The following PRDM16 variants were observed in gnomAD, a reference collection of about 807,000 sequenced individuals.
PRDM16 encodes the protein histone-lysine N-methyltransferase PRDM16.
In PRDM16, 23 loss-of-function variants were observed where a neutral mutation model predicts 110.6. The observed-to-expected ratio is 0.21, with a 90% confidence interval of 0.15 to 0.29. The LOEUF is 0.29. PRDM16 is among the 10% of genes least tolerant of loss of function. The probability of loss-of-function intolerance (pLI) is 1.00; values close to 1 mark genes in which losing one functional copy is unlikely to be tolerated. For missense variants in PRDM16, 1,615 were observed against 1,794.3 expected, an observed-to-expected ratio of 0.90 and a Z score of 1.81; for synonymous variants, 799 against 781.8, an observed-to-expected ratio of 1.02 and a Z score of -0.37.
chr1:3,285,930 A>C (rs188963484), intron 3 of PRDM16, among the ~76,000 whole-genome samples: 1 of 152,278 alleles, frequency 6.6e-6, no homozygotes, highest in African/African-American at 2.4e-5. Flanking sequence ...GAGAAAACCC[A>C]GAAAGCCCCT....
chr1:3,158,667 CTCTT>C (rs141678703), intron 1 of PRDM16, among the ~76,000 whole-genome samples: 2,074 of 151,662 alleles, frequency 0.014, 80 homozygotes, highest in East Asian at 0.11. Context: ...TCTTTTTTCT[CTCTT>C]TCTTTCTTTC....
intron 2 of PRDM16, among the ~76,000 whole-genome samples, chr1:3,221,990 T>C (rs1479085878): frequency 6.6e-6 from 1 of 152,202 alleles, no homozygotes; most frequent in Non-Finnish European, 1.5e-5. Context: ...TGAAGTAGTC[T>C]CGCGTCTTAT....
At position 3,370,657 on chromosome 1, in the gene PRDM16, G is replaced by A. The variant is rs1005602851; in HGVS notation, c.439-14495G>A. Among the ~76,000 whole-genome samples, 3 of 152,144 alleles carry A rather than the reference G, an allele frequency of 2.0e-5. No individual in the cohort carries two copies. The highest frequency in any genetic ancestry group is 7.2e-5 in the African/African-American group (3 of 41,422). Reference sequence around the variant, plus strand: ...CCTCACCCTGATGTGAGGGACCAGGGCAGGCTTCCCAGGAGAGGTGTCCTG... The same window carrying A: ...CCTCACCCTGATGTGAGGGACCAGGACAGGCTTCCCAGGAGAGGTGTCCTG... On this transcript the variant is annotated intron_variant, in intron 3 of 16. Coordinates refer to ENST00000270722, the MANE Select transcript of PRDM16 (RefSeq NM_022114.4). The surrounding 1 kb of genome is among the most constrained non-coding windows in gnomAD (Gnocchi z 4.8).
At chr1:3,314,990 G>A (rs983092229) in intron 3 of PRDM16, among the ~76,000 whole-genome samples, 3 of 152,130 alleles carry the variant, frequency 2.0e-5, no homozygotes, top group Non-Finnish European at 2.9e-5. Context: ...AAGATGGATC[G>A]ACTGAGAGCA....
At chr1:3,146,745 A>G (rs1569684613) in intron 1 of PRDM16, among the ~76,000 whole-genome samples, 1 of 83,222 alleles carries the variant, frequency 1.2e-5, no homozygotes, top group South Asian at 4.3e-4. Flanking sequence ...GTGTGAGTGC[A>G]CGTGTGTGCT....
At chr1:3,164,519 TC>T (rs1643928456) in intron 1 of PRDM16, among the ~76,000 whole-genome samples, 1 of 152,088 alleles carries the variant, frequency 6.6e-6, no homozygotes, top group African/African-American at 2.4e-5. Flanking sequence ...GCACCCGGCC[TC>T]CCTTGGCTAA....
intron 1 of PRDM16, among the ~76,000 whole-genome samples, chr1:3,164,840 C>T (rs1175938558): frequency 6.6e-6 from 1 of 152,192 alleles, no homozygotes; most frequent in Non-Finnish European, 1.5e-5. Flanking sequence ...CAGCCCGCCT[C>T]CGTTCTCTGC....
At chr1:3,361,525 C>T (rs1213176005) in intron 3 of PRDM16, among the ~76,000 whole-genome samples, 1 of 152,258 alleles carries the variant, frequency 6.6e-6, no homozygotes, top group Non-Finnish European at 1.5e-5. Context: ...CCTGCTGTTC[C>T]TGCATGCCAC....
intron 3 of PRDM16, among the ~76,000 whole-genome samples, chr1:3,313,587 G>T (rs1641518396): frequency 6.6e-6 from 1 of 152,232 alleles, no homozygotes; most frequent in Admixed American, 6.5e-5. Context: ...GCCTGCTCAA[G>T]AGTCCTTCCC....
At position 3,143,154 on chromosome 1, in the gene PRDM16, G is replaced by A. The variant is rs1343197599; in HGVS notation, c.38-42971G>A. 2.0e-5 allele frequency among the ~76,000 whole-genome samples: 3 copies of A among 152,316 alleles called. No homozygotes were observed. Among genetic ancestry groups the A allele is most frequent in the Admixed American group, 1.3e-4 (2 of 15,310 alleles). On this transcript the variant is annotated intron_variant, in intron 1 of 16. Coordinates refer to ENST00000270722, the MANE Select transcript of PRDM16 (RefSeq NM_022114.4). This position sits in a 1 kb window ranked among gnomAD's most constrained non-coding sequence, Gnocchi z 4.5. ...TAAGAAGGGAGACCTTGTGGCAACC[G>A]CAGTGCTGGGCCGGGGGGAGTCGCT...
rs193041827 is a variant in PRDM16, at chr1:3,291,335, G to T, written c.438+47198G>T. On this transcript the variant is annotated intron_variant, in intron 3 of 16. Transcript: ENST00000270722. The stretch of plus-strand genomic sequence containing the variant: ...CAGTGGCCCCACCTGGACCCCTGGG[G>T]GACCCACCCTTCTTCCCCTTCTGCC... Among the ~76,000 whole-genome samples the T allele has an allele frequency of 3.6e-3, 554 of 152,262 alleles. 3 individuals are homozygous for T. Among genetic ancestry groups the T allele is most frequent in the African/African-American group, 0.013 (525 of 41,560 alleles).
intron 1 of PRDM16, among the ~76,000 whole-genome samples, chr1:3,106,901 T>C (rs886493229): frequency 3.9e-5 from 6 of 152,140 alleles, no homozygotes; most frequent in African/African-American, 1.4e-4. Context: ...TGTGGCTCCA[T>C]GACAACAGCG....
chr1:3,110,408 G>A (rs558545176), intron 1 of PRDM16, among the ~76,000 whole-genome samples: 1 of 149,812 alleles, frequency 6.7e-6, no homozygotes, highest in Admixed American at 6.6e-5. Context: ...TGGGGACACA[G>A]TGTCTGAGGC....
At chr1:3,145,797 A>G (rs2817185) in intron 1 of PRDM16, among the ~76,000 whole-genome samples, 34,967 of 152,142 alleles carry the variant, frequency 0.23, 4,422 homozygotes, top group African/African-American at 0.29. Flanking sequence ...AACCTCATTA[A>G]GAAAGTGCAA....
intron 3 of PRDM16, among the ~76,000 whole-genome samples, chr1:3,374,405 T>C (rs1642957688): frequency 6.6e-6 from 1 of 152,180 alleles, no homozygotes. Flanking sequence ...TATACACAAC[T>C]TTTCAGAGGC....
intron 5 of PRDM16, among the ~76,000 whole-genome samples, chr1:3,398,503 C>A (rs1412548143): frequency 6.6e-6 from 1 of 152,236 alleles, no homozygotes; most frequent in Admixed American, 6.5e-5. Flanking sequence ...TTTATCCCAA[C>A]CCCAGCTCAA....
Position 3,350,407 on chromosome 1 carries a change from C to G in PRDM16, c.439-34745C>G, listed in dbSNP as rs549737863. ...ACCTGGGCACCCTTGAAGCCACCCC[C>G]TCTTTCCCTCCTGGGCTCTACTGCT... On this transcript the variant is annotated intron_variant, in intron 3 of 16. Transcript: ENST00000270722. This position sits in a 1 kb window ranked among gnomAD's most constrained non-coding sequence, Gnocchi z 7.1. Among the ~76,000 whole-genome samples, 11 of 152,342 alleles carry G rather than the reference C, an allele frequency of 7.2e-5. No individual in the cohort carries two copies. The highest frequency in any genetic ancestry group is 2.4e-4 in the African/African-American group (10 of 41,592).
rs149480415 is a variant in PRDM16 at position 3,227,520 on chromosome 1, C to G, written c.388-16567C>G. ...TGGAGGTGCGTAAGGCCGGCGGGACCGTGACAGTCCAGCGTGGGGCCGCAG... is the reference window on the plus strand; with the variant it reads ...TGGAGGTGCGTAAGGCCGGCGGGACGGTGACAGTCCAGCGTGGGGCCGCAG... On this transcript the variant is annotated intron_variant, in intron 2 of 16. Coordinates refer to ENST00000270722, the MANE Select transcript of PRDM16 (RefSeq NM_022114.4). Among the ~76,000 whole-genome samples the G allele has an allele frequency of 1.8e-3, 272 of 152,338 alleles. 1 individual carries two copies. The highest frequency in any genetic ancestry group is 6.3e-3 in the African/African-American group (260 of 41,586).
In PRDM16 at chr1:3,081,773, G is replaced by A. The variant is rs1003059340; in HGVS notation, c.37+12477G>A. Among the ~76,000 whole-genome samples the A allele has an allele frequency of 3.3e-5, 5 of 151,764 alleles. No individual in the cohort carries two copies. Among genetic ancestry groups the A allele is most frequent in the African/African-American group, 9.7e-5 (4 of 41,328 alleles). On this transcript the variant is annotated intron_variant, in intron 1 of 16. Transcript: ENST00000270722. The surrounding 1 kb of genome is among the most constrained non-coding windows in gnomAD (Gnocchi z 4.6). ...CGTGGGAGGCCCCCATGGAAGGCCC[G>A]TGTTGGGGGACCTTCCATGGGCAGC...
Sources: allele counts gnomAD v4.1 joint callset (sites outside exome capture counted in the v4.1 genomes callset), GRCh38; gene constraint gnomAD v4.1.1; non-coding constraint Gnocchi (gnomAD v3.1); transcripts MANE v1.5; gene names NCBI Gene and HGNC (gene_info 2026-07-23, HGNC 2026-07-21).